The following RGS22 variants were observed in gnomAD, a reference collection of about 807,000 sequenced individuals.
RGS22 encodes the protein regulator of G-protein signaling 22.
Under a neutral mutation model 172.9 loss-of-function variants are expected in RGS22, and 148 were observed. The ratio of observed to expected loss-of-function variants is 0.86; its 90% CI spans 0.75 to 0.98. RGS22 has a LOEUF of 0.98. Among genes scored for constraint, RGS22 ranks in the 50% least tolerant of loss-of-function variants. The pLI, the probability that RGS22 is intolerant of heterozygous loss-of-function variation, is 0.00. For synonymous variants in RGS22, 458 were observed against 480.2 expected, an observed-to-expected ratio of 0.95 and a Z score of 0.60; for missense variants, 1,347 against 1,440.8, an observed-to-expected ratio of 0.93 and a Z score of 1.05.
At chr8:99,967,027 T>C (rs578009590) in intron 23 of RGS22, among the ~76,000 whole-genome samples, 1 of 152,154 alleles carries the variant, frequency 6.6e-6, no homozygotes, top group Non-Finnish European at 1.5e-5. Context: ...GAGGTACTTG[T>C]TCATCTCATT....
intron 1 of RGS22, 92 bp from the exon 2 acceptor site, chr8:100,105,494 A>G (rs1813861357): frequency 9.6e-7 from 1 of 1,040,082 alleles, no homozygotes; most frequent in African/African-American, 1.6e-5. Flanking sequence ...GCCCTACGTT[A>G]TACACAGGCA....
chr8:100,066,253 T>G lies in RGS22; in HGVS notation c.638A>C (p.Gln213Pro), dbSNP rs1458732177. ...QTKDWFALAK[Q>P]SQQTVSTFSL... ...AAAGGTTGATACTGTTTGCTGACTT[T>G]GTTTTGCTAATGCAAACCAATCTTT... The change falls in exon 7 of 28, where the codon CAA becomes CCA. Residue 213 changes from glutamine (Q) to proline (P), a missense_variant. Physicochemically the swap from Gln to Pro is moderately conservative, Grantham distance 76. Coordinates refer to ENST00000360863, the MANE Select transcript of RGS22 (RefSeq NM_015668.5). 5.6e-6 allele frequency: 9 copies of G among 1,613,624 alleles called. No individual in the cohort carries two copies. The highest frequency in any genetic ancestry group is 2.2e-5 in the South Asian group (2 of 91,060).
intron 2 of RGS22, among the ~76,000 whole-genome samples, chr8:100,098,587 A>G (rs952115341): frequency 6.6e-6 from 1 of 152,198 alleles, no homozygotes; most frequent in Non-Finnish European, 1.5e-5. Context: ...AATGAGGAGC[A>G]AAAGTATGGA....
chr8:100,051,048 C>A (rs1380476892), intron 10 of RGS22, among the ~76,000 whole-genome samples: 1 of 152,006 alleles, frequency 6.6e-6, no homozygotes. Context: ...TGTAAGTGTG[C>A]TTATATAGAA....
intron 11 of RGS22, among the ~76,000 whole-genome samples, chr8:100,043,969 T>C (rs1467484826): frequency 6.7e-6 from 1 of 149,982 alleles, no homozygotes; most frequent in Non-Finnish European, 1.5e-5. Context: ...GCAAACAAAT[T>C]AGGTAATTTG....
intron 2 of RGS22, among the ~76,000 whole-genome samples, chr8:100,095,387 T>C (rs1812885670): frequency 6.6e-6 from 1 of 152,156 alleles, no homozygotes. Context: ...TTTCACCATG[T>C]TGCCCAGGCT....
intron 17 of RGS22, 36 bp from the exon 18 acceptor site, chr8:100,002,400 T>C: frequency 6.4e-7 from 1 of 1,554,564 alleles, no homozygotes; most frequent in Non-Finnish European, 8.6e-7. Context: ...TAGCTCTTCA[T>C]ATTTCTTCCT....
At chr8:100,084,485 T>C (rs1439436695) in intron 3 of RGS22, among the ~76,000 whole-genome samples, 1 of 152,204 alleles carries the variant, frequency 6.6e-6, no homozygotes, top group Non-Finnish European at 1.5e-5. Flanking sequence ...TAAAATGGCA[T>C]GCAATGTTTC....
At chr8:99,989,547 A>C (rs1813458866) in intron 20 of RGS22, among the ~76,000 whole-genome samples, 1 of 152,184 alleles carries the variant, frequency 6.6e-6, no homozygotes, top group Non-Finnish European at 1.5e-5. Context: ...GCAGTTCTAA[A>C]TAGAAGGGAT....
intron 14 of RGS22, among the ~76,000 whole-genome samples, chr8:100,028,944 A>C (rs1229988088): frequency 6.6e-6 from 1 of 152,210 alleles, no homozygotes; most frequent in African/African-American, 2.4e-5. Flanking sequence ...TGGTTACATT[A>C]CATAAGATAG....
chr8:100,017,598 GTA>G (rs145021193), intron 14 of RGS22, among the ~76,000 whole-genome samples: 103 of 150,682 alleles, frequency 6.8e-4, no homozygotes, highest in African/African-American at 1.1e-3. Flanking sequence ...TAACAACTGA[GTA>G]TATATATATA....
At chr8:100,002,670 C>CA (rs1182813839) in intron 17 of RGS22, among the ~76,000 whole-genome samples, 1 of 152,158 alleles carries the variant, frequency 6.6e-6, no homozygotes. Flanking sequence ...TCATCAATTT[C>CA]AAAAATGAGA....
At chr8:100,086,246 C>T (rs925778161) in intron 3 of RGS22, among the ~76,000 whole-genome samples, 1 of 152,058 alleles carries the variant, frequency 6.6e-6, no homozygotes, top group Non-Finnish European at 1.5e-5. Flanking sequence ...AGCAGTGAAA[C>T]ATATTCAACT....
intron 4 of RGS22, among the ~76,000 whole-genome samples, chr8:100,074,005 T>C (rs901554593): frequency 2.6e-5 from 4 of 152,072 alleles, no homozygotes; most frequent in Admixed American, 6.6e-5. Flanking sequence ...AATAACTTAA[T>C]AAATACTTAT....
chr8:99,961,530 C>T (rs1353703756), intron 27 of RGS22, among the ~76,000 whole-genome samples: 1 of 152,164 alleles, frequency 6.6e-6, no homozygotes, highest in Admixed American at 6.5e-5. Context: ...TGTTTGCTTC[C>T]CCTTCAGCCA....
chr8:100,093,684 T>C (rs935822265), intron 2 of RGS22, among the ~76,000 whole-genome samples, 175 bp from the exon 3 acceptor site: 5 of 152,280 alleles, frequency 3.3e-5, no homozygotes, highest in Middle Eastern at 3.4e-3. Context: ...TTTTATTGTC[T>C]CCTTCCAATC....
intron 6 of RGS22, 134 bp from the exon 7 acceptor site, chr8:100,066,430 A>G (rs2131814697): frequency 1.5e-6 from 1 of 685,594 alleles, no homozygotes; most frequent in Non-Finnish European, 2.3e-6. Flanking sequence ...TCATGAAGGA[A>G]AATAAAATTC....
intron 2 of RGS22, among the ~76,000 whole-genome samples, chr8:100,098,881 ATTTTATTTTATTTTATTTTATTTTAT>A (rs1813226453): frequency 5.5e-4 from 17 of 30,734 alleles, no homozygotes; most frequent in South Asian, 1.1e-3. Flanking sequence ...ATTTTATTTT[ATTTTATTTTATTTTATTTTATTTTAT>A]TTTATTTTAT....
chr8:100,075,460 T>C (rs1811283170), intron 4 of RGS22, among the ~76,000 whole-genome samples: 1 of 152,212 alleles, frequency 6.6e-6, no homozygotes, highest in African/African-American at 2.4e-5. Context: ...GTGCCATGCT[T>C]CTTATACAGT....
Sources: allele counts gnomAD v4.1 joint callset (sites outside exome capture counted in the v4.1 genomes callset), GRCh38; gene constraint gnomAD v4.1.1; transcripts MANE v1.5; gene names NCBI Gene and HGNC (gene_info 2026-07-23, HGNC 2026-07-21).